Variants in TNNT3 observed in about 807,000 individuals in gnomAD.
The protein encoded by TNNT3 is troponin T3, fast skeletal type.
A neutral mutation model predicts 54.2 loss-of-function variants in TNNT3; 36 were observed. The ratio of observed to expected loss-of-function variants is 0.66; its 90% CI spans 0.51 to 0.88. The LOEUF is 0.88. TNNT3 is among the 40% of genes least tolerant of loss of function. The pLI is 0.00. For missense variants in TNNT3, 291 were observed against 331.6 expected, an observed-to-expected ratio of 0.88 and a Z score of 0.95; for synonymous variants, 120 against 109.7, an observed-to-expected ratio of 1.09 and a Z score of -0.59.
chr11:1,935,981 C>A (rs1267303992), intron 14 of TNNT3, among the ~76,000 whole-genome samples: 1 of 152,212 alleles, frequency 6.6e-6, no homozygotes, highest in Admixed American at 6.5e-5. Flanking sequence ...ACCCTTGGGG[C>A]TCTCCCAGAG....
chr11:1,922,825 C>A (rs1850408557), intron 1 of TNNT3, 32 bp from the exon 2 acceptor site: 1 of 1,590,984 alleles, frequency 6.3e-7, no homozygotes. Flanking sequence ...TCCATCCTCT[C>A]TCTCTCTCTC....
At position 1,927,083 on chromosome 11, in the gene TNNT3, C is replaced by T. The variant is rs184159298; in HGVS notation, c.82+374C>T. The stretch of plus-strand genomic sequence containing the variant: ...ATCCACCAGGGTGGGGTGGGAAGAG[C>T]GCAGGAGAGGCCTCCACCCTGCCCC... On this transcript the variant is annotated intron_variant, in intron 6 of 15. Transcript: ENST00000278317. 4.8e-4 allele frequency among the ~76,000 whole-genome samples: 73 copies of T among 152,148 alleles called. 2 individuals carry two copies. Among genetic ancestry groups the T allele is most frequent in the East Asian group, 2.9e-3 (15 of 5,146 alleles).
chr11:1,923,505 C>A, intron 3 of TNNT3, 50 bp from the exon 4 acceptor site: 1 of 1,606,748 alleles, frequency 6.2e-7, no homozygotes, highest in Non-Finnish European at 8.5e-7. Context: ...CCTCCCTTCA[C>A]GGGCTGCCCC....
chr11:1,925,978 G>A (rs1851468885), intron 5 of TNNT3, among the ~76,000 whole-genome samples: 1 of 152,184 alleles, frequency 6.6e-6, no homozygotes, highest in Admixed American at 6.5e-5. Flanking sequence ...GGAAGTGGGG[G>A]TCCTGGGGAC....
At chr11:1,929,380 G>C (rs1353701040) in intron 7 of TNNT3, among the ~76,000 whole-genome samples, 2 of 152,186 alleles carry the variant, frequency 1.3e-5, no homozygotes, top group Non-Finnish European at 2.9e-5. Context: ...CACAGCGGAG[G>C]GGGAGTAAGC....
chr11:1,922,779 C>A (rs1850390672), intron 1 of TNNT3, 78 bp from the exon 2 acceptor site: 2 of 1,437,192 alleles, frequency 1.4e-6, no homozygotes, highest in Non-Finnish European at 1.9e-6. Context: ...AAGACCCCAT[C>A]CCCCATCCTA....
intron 5 of TNNT3, among the ~76,000 whole-genome samples, chr11:1,925,786 A>G (rs1851418436): frequency 6.6e-6 from 1 of 152,214 alleles, no homozygotes; most frequent in Admixed American, 6.5e-5. Context: ...AGGCCCCCTC[A>G]CAGCCTTCTG....
At chr11:1,924,978 C>A in intron 4 of TNNT3, 121 bp from the exon 5 acceptor site, 1 of 1,115,842 alleles carries the variant, frequency 9.0e-7, no homozygotes, top group Non-Finnish European at 1.3e-6. Flanking sequence ...GAGCCCCAGG[C>A]CCTCTTCTCC....
chr11:1,937,952 G>C (rs900504660), intron 15 of TNNT3, among the ~76,000 whole-genome samples: 1 of 152,154 alleles, frequency 6.6e-6, no homozygotes, highest in East Asian at 1.9e-4. Context: ...CCGGCCTCGC[G>C]GGCCGAAGCA....
At chr11:1,937,550 C>T (rs76167901) in intron 15 of TNNT3, among the ~76,000 whole-genome samples, 3,368 of 152,290 alleles carry the variant, frequency 0.022, 62 homozygotes, top group African/African-American at 0.048. Flanking sequence ...CGACCACCTG[C>T]ATGGGGCTGC....
chr11:1,926,350 C>T, intron 5 of TNNT3: 1 of 1,251,724 alleles, frequency 8.0e-7, no homozygotes, highest in Non-Finnish European at 1.2e-6. Context: ...TCGCTCCCCG[C>T]ACGCACCCCA....
chr11:1,926,294 G>A (rs1851552623), intron 5 of TNNT3, among the ~76,000 whole-genome samples: 1 of 152,220 alleles, frequency 6.6e-6, no homozygotes, highest in African/African-American at 2.4e-5. Context: ...GGGGACATGG[G>A]ACTGGGGCGG....
chr11:1,923,441 A>C, intron 3 of TNNT3, 114 bp from the exon 4 acceptor site: 1 of 1,145,264 alleles, frequency 8.7e-7, no homozygotes, highest in Non-Finnish European at 1.3e-6. Flanking sequence ...GCTCTTGGGC[A>C]GGGGCAGTCG....
intron 8 of TNNT3, among the ~76,000 whole-genome samples, chr11:1,931,074 CT>C (rs1391119605): frequency 6.6e-6 from 1 of 152,118 alleles, no homozygotes; most frequent in Admixed American, 6.5e-5. Flanking sequence ...TTGAATTCTG[CT>C]TTTTTTAAAA....
intron 15 of TNNT3, among the ~76,000 whole-genome samples, chr11:1,937,927 CGCGTCTG>C (rs1554894447): frequency 2.6e-5 from 4 of 152,162 alleles, no homozygotes; most frequent in Non-Finnish European, 4.4e-5. Context: ...GCTGAGCAGC[CGCGTCTG>C]AATGGGGCCG....
intron 8 of TNNT3, among the ~76,000 whole-genome samples, chr11:1,930,040 G>A (rs1045479363): frequency 1.3e-5 from 2 of 152,190 alleles, no homozygotes; most frequent in Non-Finnish European, 2.9e-5. Context: ...GCCTGCATTC[G>A]GAGGGACGCT....
At chr11:1,936,398 C>A (rs979883343) in intron 14 of TNNT3, 3 of 935,700 alleles carry the variant, frequency 3.2e-6, no homozygotes, top group East Asian at 2.6e-5. Flanking sequence ...GCTCTCCCCT[C>A]GTGCCTGCAG....
chr11:1,922,867 C>A lies in TNNT3; in HGVS notation c.-8C>A. On this transcript the variant is annotated 5_prime_UTR_variant, in exon 2 of 16. Coordinates refer to ENST00000278317, the MANE Select transcript of TNNT3 (RefSeq NM_006757.4). Reference sequence around the variant, plus strand: ...AATCTCTCTCTGCAGAAACCACCCACCTTCACCATGTCTGACGAGGAAGTG... The same window carrying A: ...AATCTCTCTCTGCAGAAACCACCCAACTTCACCATGTCTGACGAGGAAGTG... 1 of 1,613,396 alleles carries A rather than the reference C, an allele frequency of 6.2e-7. No individual in the cohort carries two copies.
At chr11:1,931,761 G>A (rs936675085) in intron 8 of TNNT3, among the ~76,000 whole-genome samples, 4 of 140,626 alleles carry the variant, frequency 2.8e-5, no homozygotes, top group South Asian at 2.2e-4. Flanking sequence ...TTTCATTTGC[G>A]TGGTGTCATC....
Sources: gnomAD v4.1 joint callset for allele counts (sites outside exome capture counted in the v4.1 genomes callset) on GRCh38, gnomAD v4.1.1 for gene constraint, MANE v1.5 for transcripts, NCBI Gene and HGNC (gene_info 2026-07-23, HGNC 2026-07-21) for gene names.